Variants in OSBPL6 observed in about 807,000 individuals in gnomAD.
The protein encoded by OSBPL6 is oxysterol binding protein like 6.
OSBPL6 carries 49 observed loss-of-function variants against 125.8 expected under a neutral mutation model. The observed-to-expected ratio is 0.39, with a 90% CI of 0.31 to 0.49. The LOEUF is 0.49. Ranked by LOEUF, OSBPL6 falls within the 20% of genes least tolerant of loss-of-function variation. The probability of loss-of-function intolerance (pLI) is 0.88; values close to 1 mark genes in which losing one functional copy is unlikely to be tolerated. For synonymous variants in OSBPL6, 394 were observed against 391.8 expected, an observed-to-expected ratio of 1.01 and a Z score of -0.07; for missense variants, 986 against 1,135.4, an observed-to-expected ratio of 0.87 and a Z score of 1.89.
rs1696070474 is a variant in OSBPL6 at position 178,400,469 on chromosome 2, A to G, written c.*4910A>G. 6.6e-6 allele frequency: 1 copy of G among 151,980 alleles called. No individual in the cohort carries two copies. The highest frequency in any genetic ancestry group is 6.6e-5 in the Admixed American group (1 of 15,242). The allele number at this position is 151,980 out of a possible 1,614,324, so 9.4% of individuals were successfully genotyped here. A position where few individuals can be genotyped will look rare whatever the true frequency, so the allele number is the denominator to read the frequency against. On this transcript the variant is annotated 3_prime_UTR_variant, in exon 25 of 25. Transcript: ENST00000190611. The stretch of plus-strand genomic sequence containing the variant: ...CCTAGCTAATTTTTGTATTTTAGTT[A>G]GAGACGGGGGTTTTGCCATGTTGGC...
In OSBPL6 at chr2:178,207,081, G is replaced by A. The variant is rs187901977; in HGVS notation, c.-351+12407G>A. 3.0e-3 allele frequency among the ~76,000 whole-genome samples: 454 copies of A among 152,272 alleles called. 2 individuals are homozygous for A. Among genetic ancestry groups the A allele is most frequent in the Admixed American group, 6.3e-3 (97 of 15,292 alleles). On this transcript the variant is annotated intron_variant, in intron 1 of 24. Transcript: ENST00000190611. ...TTTGTTTTGTTTTTAAAGAGAAAGC[G>A]ATAGCCAGTGGGTCCCTGCCTATAA... is the stretch of plus-strand genomic sequence containing the variant.
Position 178,395,475 on chromosome 2 carries a change from A to C in OSBPL6, c.2721A>C (p.Arg907Ser). The C allele has an allele frequency of 6.2e-7, 1 of 1,613,728 alleles. No homozygotes were observed. Among genetic ancestry groups the C allele is most frequent in the East Asian group, 2.2e-5 (1 of 44,864 alleles). The change falls in exon 25 of 25, where the codon AGA (arginine) becomes AGC (serine). Residue 907 changes from arginine to serine, a missense_variant. Arg to Ser is a moderately radical substitution (Grantham distance 110). Around this residue, in one of 3 missense-constraint regions of OSBPL6, gnomAD observed 843 missense variants for 997.3 expected, o/e 0.85. Coordinates refer to ENST00000190611, the MANE Select transcript of OSBPL6 (RefSeq NM_032523.4). ...GAAAAGTTATTGATGCCAATCAAAGAGAAGCCTGGGTTTCTAACGACACCT... is the reference window on the plus strand; with the variant it reads ...GAAAAGTTATTGATGCCAATCAAAGCGAAGCCTGGGTTTCTAACGACACCT... ...FFKKVIDANQ[R>S]EAWVSNDTYW...
chr2:178,272,213 G>C (rs1051532812), intron 1 of OSBPL6, among the ~76,000 whole-genome samples: 2 of 152,148 alleles, frequency 1.3e-5, no homozygotes, highest in Non-Finnish European at 2.9e-5. Flanking sequence ...TTCAGTTACT[G>C]CCAAGTGCCA....
chr2:178,342,522 A>G (rs561966358), intron 11 of OSBPL6, among the ~76,000 whole-genome samples: 1 of 152,348 alleles, frequency 6.6e-6, no homozygotes, highest in Admixed American at 6.5e-5. Context: ...CCATGTTTCT[A>G]CTGGAAACTA....
At chr2:178,244,027 T>G (rs948191471) in intron 1 of OSBPL6, among the ~76,000 whole-genome samples, 3 of 152,028 alleles carry the variant, frequency 2.0e-5, no homozygotes, top group African/African-American at 7.2e-5. Flanking sequence ...CCATTGTAGT[T>G]AAAGAAAAAA....
At chr2:178,213,910 T>A (rs1280318173) in intron 1 of OSBPL6, among the ~76,000 whole-genome samples, 1 of 152,222 alleles carries the variant, frequency 6.6e-6, no homozygotes, top group African/African-American at 2.4e-5. Flanking sequence ...TCATCTTCAG[T>A]GTCATTCCTC....
intron 1 of OSBPL6, among the ~76,000 whole-genome samples, chr2:178,212,170 C>G (rs1241795425): frequency 3.3e-5 from 5 of 152,176 alleles, no homozygotes; most frequent in Admixed American, 3.3e-4. Context: ...CTCTGAAGCT[C>G]AGCACACTGT....
At position 178,361,757 on chromosome 2, in the gene OSBPL6, A is replaced by G. The variant is rs1437137439; in HGVS notation, c.1229A>G (p.Gln410Arg). The change falls in exon 13 of 25, where the codon CAG (glutamine) becomes CGG (arginine). Residue 410 changes from glutamine to arginine, a missense_variant. By Grantham distance (43) the Gln-to-Arg change is conservative (BLOSUM62 1). Coordinates refer to ENST00000190611, the MANE Select transcript of OSBPL6 (RefSeq NM_032523.4). ...KEKLKQMVSEQDHSKGHSTQM... is the reference protein window; with the variant it reads ...KEKLKQMVSERDHSKGHSTQM... ...AAGCTGAAGCAGATGGTTTCCGAGC[A>G]GGATCACAGTAAAGGCCACAGCACG... is the stretch of plus-strand genomic sequence containing the variant. 6.2e-7 allele frequency: 1 copy of G among 1,614,186 alleles called. No homozygotes were observed. The highest frequency in any genetic ancestry group is 1.1e-5 in the South Asian group (1 of 91,086).
chr2:178,388,684 C>A (rs1695153207), intron 20 of OSBPL6, among the ~76,000 whole-genome samples: 1 of 152,150 alleles, frequency 6.6e-6, no homozygotes, highest in Non-Finnish European at 1.5e-5. Context: ...AAAACTCTTC[C>A]TTCTGTGTTC....
chr2:178,379,417 G>A (rs1694253217), intron 15 of OSBPL6, among the ~76,000 whole-genome samples: 2 of 145,482 alleles, frequency 1.4e-5, no homozygotes, highest in Admixed American at 7.1e-5. Flanking sequence ...GAAAGAAAGA[G>A]AAAGAAAAGA....
intron 11 of OSBPL6, among the ~76,000 whole-genome samples, chr2:178,344,696 T>C (rs1461175711): frequency 1.3e-5 from 2 of 152,096 alleles, no homozygotes; most frequent in African/African-American, 4.8e-5. Context: ...CATACTGATA[T>C]TGGAACTTTT....
intron 13 of OSBPL6, among the ~76,000 whole-genome samples, chr2:178,367,022 C>T (rs1692899064): frequency 6.6e-6 from 1 of 152,104 alleles, no homozygotes; most frequent in African/African-American, 2.4e-5. Flanking sequence ...TAGTAAAAAT[C>T]AGTAACAGCA....
At chr2:178,259,775 C>A (rs1280996878) in intron 1 of OSBPL6, among the ~76,000 whole-genome samples, 7 of 152,268 alleles carry the variant, frequency 4.6e-5, no homozygotes, top group Non-Finnish European at 7.4e-5. Context: ...AGTTTCTATT[C>A]CAAAGAAAGT....
intron 2 of OSBPL6, among the ~76,000 whole-genome samples, chr2:178,296,616 CATAGT>C (rs1685777082): frequency 6.6e-6 from 1 of 152,226 alleles, no homozygotes; most frequent in African/African-American, 2.4e-5. Context: ...ATACTCCCAC[CATAGT>C]CTATTTCAAG....
intron 15 of OSBPL6, 145 bp downstream of exon 15, chr2:178,374,172 C>T (rs1213355100): frequency 1.3e-5 from 13 of 1,012,236 alleles, no homozygotes; most frequent in Non-Finnish European, 1.9e-5. Context: ...TGCAGCAAAG[C>T]TAAAAGCATG....
At chr2:178,235,501 G>C (rs2091021830) in intron 1 of OSBPL6, among the ~76,000 whole-genome samples, 1 of 148,104 alleles carries the variant, frequency 6.8e-6, no homozygotes, top group South Asian at 2.1e-4. Flanking sequence ...CTGCCTCCTG[G>C]GTTCAAGCAA....
At chr2:178,320,552 T>C (rs1389413931) in intron 3 of OSBPL6, 2 of 762,250 alleles carry the variant, frequency 2.6e-6, no homozygotes, top group Non-Finnish European at 4.2e-6. Flanking sequence ...GCTTACATAA[T>C]GTGTGTAACA....
At chr2:178,200,828 C>T (rs2089208810) in intron 1 of OSBPL6, among the ~76,000 whole-genome samples, 1 of 151,918 alleles carries the variant, frequency 6.6e-6, no homozygotes, top group Admixed American at 6.6e-5. Flanking sequence ...CAGAGTCTTG[C>T]TCTGTCACCC....
intron 11 of OSBPL6, among the ~76,000 whole-genome samples, chr2:178,346,351 T>C (rs1323398927): frequency 6.6e-6 from 1 of 152,212 alleles, no homozygotes; most frequent in African/African-American, 2.4e-5. Context: ...CGATGAGTCC[T>C]GTAAGCATAG....
Sources: gnomAD v4.1 joint callset for allele counts (sites outside exome capture counted in the v4.1 genomes callset) on GRCh38, gnomAD v4.1.1 for gene constraint, gnomAD v4.1.1 regional missense constraint, MANE v1.5 for transcripts, NCBI Gene and HGNC (gene_info 2026-07-23, HGNC 2026-07-21) for gene names.